The following CAMK2D variants were observed in gnomAD, a reference collection of about 807,000 sequenced individuals.
The protein encoded by CAMK2D is calcium/calmodulin-dependent protein kinase type II subunit delta.
A neutral mutation model predicts 84.0 loss-of-function variants in CAMK2D; 37 were observed. That is an observed-to-expected ratio of 0.44 (90% CI 0.34 to 0.58). CAMK2D has a LOEUF of 0.58. Ranked by LOEUF, CAMK2D falls within the 20% of genes least tolerant of loss-of-function variation. The pLI is 0.02. For missense variants in CAMK2D, 448 were observed against 652.5 expected (o/e 0.69, Z 3.41); for synonymous variants, 202 against 212.5 (o/e 0.95, Z 0.43).
At chr4:113,703,157 TA>T (rs1172773778) in intron 2 of CAMK2D, among the ~76,000 whole-genome samples, 1 of 152,186 alleles carries the variant, frequency 6.6e-6, no homozygotes, top group Non-Finnish European at 1.5e-5. Flanking sequence ...TGATTTGTGC[TA>T]AATATGAGAA....
intron 4 of CAMK2D, among the ~76,000 whole-genome samples, chr4:113,583,951 C>T (rs2098822585): frequency 6.6e-6 from 1 of 152,108 alleles, no homozygotes. Flanking sequence ...CTTTAGTCTG[C>T]CTTTACAGAT....
At chr4:113,581,425 T>C (rs1221220061) in intron 4 of CAMK2D, among the ~76,000 whole-genome samples, 1 of 150,358 alleles carries the variant, frequency 6.7e-6, no homozygotes, top group African/African-American at 2.5e-5. Flanking sequence ...AGGCAGGAGA[T>C]TCACTTGAAC....
chr4:113,552,801 A>G (rs965550683), intron 4 of CAMK2D, among the ~76,000 whole-genome samples: 2 of 152,246 alleles, frequency 1.3e-5, no homozygotes, highest in Non-Finnish European at 2.9e-5. Context: ...TGGGTGAAAG[A>G]GTACCCACAT....
chr4:113,713,521 C>T (rs1327531711), intron 2 of CAMK2D, among the ~76,000 whole-genome samples: 198 of 147,782 alleles, frequency 1.3e-3, no homozygotes, highest in African/African-American at 4.7e-3. Flanking sequence ...TATAGTATAA[C>T]AATATTATAT....
chr4:113,688,910 C>CAA (rs34196728), intron 2 of CAMK2D, among the ~76,000 whole-genome samples: 28 of 49,702 alleles, frequency 5.6e-4, no homozygotes, highest in East Asian at 1.3e-3. Flanking sequence ...AAAGAAGATG[C>CAA]AAAAAAAAAA....
chr4:113,574,188 C>T (rs2098768817), intron 4 of CAMK2D, among the ~76,000 whole-genome samples: 1 of 152,150 alleles, frequency 6.6e-6, no homozygotes, highest in African/African-American at 2.4e-5. Context: ...GACCTGATCC[C>T]CTCTTCTTCA....
intron 2 of CAMK2D, among the ~76,000 whole-genome samples, chr4:113,758,154 G>A (rs2099632919): frequency 6.6e-6 from 1 of 152,106 alleles, no homozygotes; most frequent in African/African-American, 2.4e-5. Context: ...GAGACTAAGA[G>A]AACATAATTA....
intron 3 of CAMK2D, among the ~76,000 whole-genome samples, chr4:113,651,702 T>C (rs889395035): frequency 6.6e-6 from 1 of 152,188 alleles, no homozygotes; most frequent in Non-Finnish European, 1.5e-5. Context: ...GTACAAATTA[T>C]ATTAATTACT....
In CAMK2D at chr4:113,680,705, T is replaced by G. The variant is rs890251924; in HGVS notation, c.161-18933A>C. Among the ~76,000 whole-genome samples, 8 of 152,176 alleles carry G rather than the reference T, an allele frequency of 5.3e-5. No homozygotes were observed. The South Asian group carries it at 6.2e-4, about 12-fold the overall frequency. On this transcript the variant is annotated intron_variant, in intron 2 of 20. Coordinates refer to ENST00000511664, the MANE Select transcript of CAMK2D (RefSeq NM_001321571.2). ...AGGCACACAGAGGAGGAAATCTGCC[T>G]AGTCACATAGAACAAACGTTCTTTG...
chr4:113,754,691 T>C (rs2099624444), intron 2 of CAMK2D: 1 of 977,256 alleles, frequency 1.0e-6, no homozygotes. Flanking sequence ...CTTTTTTTTT[T>C]TATTATTTGT....
chr4:113,497,630 G>A (rs771047909), intron 16 of CAMK2D, among the ~76,000 whole-genome samples: 6 of 152,198 alleles, frequency 3.9e-5, no homozygotes, highest in African/African-American at 9.7e-5. Flanking sequence ...GGTTACCACA[G>A]TGTTTAATCC....
intron 2 of CAMK2D, among the ~76,000 whole-genome samples, chr4:113,742,194 T>A (rs1164583243): frequency 6.6e-6 from 1 of 152,132 alleles, no homozygotes; most frequent in Non-Finnish European, 1.5e-5. Flanking sequence ...TAATGATGAC[T>A]GATATAATGA....
intron 2 of CAMK2D, among the ~76,000 whole-genome samples, chr4:113,701,427 T>C (rs2099417161): frequency 6.6e-6 from 1 of 152,180 alleles, no homozygotes; most frequent in African/African-American, 2.4e-5. Flanking sequence ...GAGAATTCCC[T>C]TGGGATCAGA....
intron 2 of CAMK2D, among the ~76,000 whole-genome samples, chr4:113,740,308 G>A (rs1343022041): frequency 1.3e-5 from 2 of 151,872 alleles, no homozygotes; most frequent in African/African-American, 2.4e-5. Flanking sequence ...CCCATATAAT[G>A]AAATATTATT....
At chr4:113,565,939 T>C (rs943162814) in intron 4 of CAMK2D, among the ~76,000 whole-genome samples, 1 of 152,212 alleles carries the variant, frequency 6.6e-6, no homozygotes, top group African/African-American at 2.4e-5. Flanking sequence ...TTGGAAGATT[T>C]TGTGGTGTTA....
At chr4:113,753,330 G>A (rs894447497) in intron 2 of CAMK2D, among the ~76,000 whole-genome samples, 5 of 151,608 alleles carry the variant, frequency 3.3e-5, no homozygotes, top group African/African-American at 4.8e-5. Context: ...ATTGATTTTG[G>A]TAGTAATAAA....
intron 3 of CAMK2D, among the ~76,000 whole-genome samples, chr4:113,620,127 G>C (rs1427534040): frequency 1.3e-5 from 2 of 152,164 alleles, no homozygotes; most frequent in Non-Finnish European, 2.9e-5. Context: ...TAAGGATGGA[G>C]GTAGGGGATA....
chr4:113,457,119 C>T, intron 19 of CAMK2D: 2 of 1,236,442 alleles, frequency 1.6e-6, no homozygotes, highest in Non-Finnish European at 2.2e-6. Context: ...CTAAACCTAT[C>T]ATATACTGCT....
In CAMK2D at chr4:113,477,607, G is replaced by T. The variant is rs565089482; in HGVS notation, c.1136-12003C>A. ...CTAAAAATACAAAAATTAGCCAGGTGTGGTGGTGGGTGCCTGTAGTCCCAG... is the reference window on the plus strand; with the variant it reads ...CTAAAAATACAAAAATTAGCCAGGTTTGGTGGTGGGTGCCTGTAGTCCCAG... On this transcript the variant is annotated intron_variant, in intron 16 of 20. Transcript: ENST00000511664. Among the ~76,000 whole-genome samples the T allele has an allele frequency of 3.3e-5, 5 of 152,106 alleles. No homozygotes were observed. The South Asian group carries it at 8.3e-4, about 25-fold the overall frequency.
Sources: allele counts gnomAD v4.1 joint callset (sites outside exome capture counted in the v4.1 genomes callset), GRCh38; gene constraint gnomAD v4.1.1; transcripts MANE v1.5; gene names NCBI Gene and HGNC (gene_info 2026-07-23, HGNC 2026-07-21).